Variants in DNAJC4 observed in about 807,000 individuals in gnomAD.
DNAJC4 encodes DnaJ heat shock protein family (Hsp40) member C4, also known as dnaJ homolog subfamily C member 4.
In DNAJC4, 26 loss-of-function variants were observed where a neutral mutation model predicts 26.8. The ratio of observed to expected loss-of-function variants is 0.97; its 90% confidence interval spans 0.71 to 1.34. The LOEUF (loss-of-function observed/expected upper bound fraction) is 1.34. Ranked by LOEUF, DNAJC4 falls within the 40% of genes most tolerant of loss-of-function variation. DNAJC4 has a pLI of 0.00. For missense variants in DNAJC4, 342 were observed against 321.1 expected (o/e 1.07, Z -0.50); for synonymous variants, 134 against 127.8 (o/e 1.05, Z -0.33).
chr11:64,231,081 C>T (rs1443159213), intron 1 of DNAJC4, 141 bp downstream of exon 1: 1 of 1,139,098 alleles, frequency 8.8e-7, no homozygotes, highest in African/African-American at 1.5e-5. Flanking sequence ...TGCTGAGGAT[C>T]AGAGATAGAG....
At chr11:64,230,538 T>G, upstream of DNAJC4, 1 of 598,422 alleles carries the variant, frequency 1.7e-6, no homozygotes, top group Non-Finnish European at 3.1e-6. Context: ...GGGCGGGGCC[T>G]GGTTGTGGCC....
chr11:64,234,189 C>T lies in DNAJC4; in HGVS notation c.*5C>T. 6.4e-7 allele frequency: 1 copy of T among 1,552,382 alleles called. No individual in the cohort carries two copies. Among genetic ancestry groups the T allele is most frequent in the Non-Finnish European group, 8.7e-7 (1 of 1,152,838 alleles). ...CCCCGGGGCGCCGGCCCCTGAGGGG[C>T]TCACCTGGATGGGGCCTGCAGTGCG... On this transcript the variant is annotated 3_prime_UTR_variant, in exon 6 of 6. Coordinates refer to ENST00000628077, the MANE Select transcript of DNAJC4 (RefSeq NM_005528.4). The surrounding 1 kb of genome is among the most constrained non-coding windows in gnomAD (Gnocchi z 5.3).
intron 4 of DNAJC4, among the ~76,000 whole-genome samples, chr11:64,233,227 CTCTT>C (rs1471837069): frequency 4.0e-5 from 6 of 151,838 alleles, no homozygotes; most frequent in African/African-American, 1.5e-4. Flanking sequence ...TCTCTTTATT[CTCTT>C]TTTTTCTTTT....
At chr11:64,233,294 C>T (rs1293677638) in intron 4 of DNAJC4, among the ~76,000 whole-genome samples, 1 of 151,856 alleles carries the variant, frequency 6.6e-6, no homozygotes, top group Non-Finnish European at 1.5e-5. Flanking sequence ...AGTGCAGTGG[C>T]GCAATCTCGG....
chr11:64,234,146 C>G lies in DNAJC4; in HGVS notation c.688C>G (p.Gln230Glu). The G allele has an allele frequency of 6.3e-7, 1 of 1,593,690 alleles. No individual in the cohort carries two copies. The highest frequency in any genetic ancestry group is 8.5e-7 in the Non-Finnish European group (1 of 1,172,316). The change falls in exon 6 of 6, where the codon CAA becomes GAA. Residue 230 changes from glutamine to glutamate, a missense_variant. Gln to Glu is a conservative substitution (Grantham distance 29). Coordinates refer to ENST00000628077, the MANE Select transcript of DNAJC4 (RefSeq NM_005528.4). The surrounding 1 kb of genome is among the most constrained non-coding windows in gnomAD (Gnocchi z 5.3). ...GCAGCCGCCACCATCCGAGCCAACC[C>G]AAGGCCCCGAGATCGTGCCCCGGGG... The part of the protein sequence containing the change: ...QRQPPPSEPT[Q>E]GPEIVPRGAG...
chr11:64,230,884 C>A lies in DNAJC4; in HGVS notation c.30C>A (p.Cys10Ter). 1 of 1,595,974 alleles carries A rather than the reference C, an allele frequency of 6.3e-7. No individual in the cohort carries two copies. The highest frequency in any genetic ancestry group is 1.1e-5 in the South Asian group (1 of 89,130). Residue 10 changes from cysteine to a stop codon, truncating the protein, a stop_gained, in exon 1 of 6, where the codon TGC becomes TGA. Coordinates refer to ENST00000628077, the MANE Select transcript of DNAJC4 (RefSeq NM_005528.4). LOFTEE classifies it high-confidence loss of function. MPPLLPLRL[C>*]RLWPRNPPSR... ...CGCCCTTACTGCCCCTGCGCCTGTG[C>A]CGGCTGTGGCCCCGCAACCCTCCCT...
At position 64,233,917 on chromosome 11, in the gene DNAJC4, A is replaced by T; in HGVS notation, c.551A>T (p.Asn184Ile). The change falls in exon 5 of 6, where the codon AAC becomes ATC. Residue 184 changes from asparagine to isoleucine, a missense_variant. Transcript: ENST00000628077. Reference protein sequence around the residue: ...AFRKVKQMHLNFMDEKDRIIT... With the variant: ...AFRKVKQMHLIFMDEKDRIIT... ...AGGAAGGTGAAGCAGATGCACCTTA[A>T]CTTCATGGATGAAAAGGATCGGATC... is the stretch of plus-strand genomic sequence containing the variant. The T allele has an allele frequency of 6.2e-7, 1 of 1,614,010 alleles. No individual in the cohort carries two copies. Among genetic ancestry groups the T allele is most frequent in the East Asian group, 2.2e-5 (1 of 44,880 alleles).
rs747012047 is a variant in DNAJC4 at position 64,230,967 on chromosome 11, G to A, written c.86+27G>A. On this transcript the variant is annotated intron_variant, in intron 1 of 5. Transcript: ENST00000628077. ...TGAGTTGGGCGCGGGGGGCCGGCCC[G>A]GTTGTTCAATGGGTTTCTGTTTGCC... is the stretch of plus-strand genomic sequence containing the variant. 9 of 1,538,048 alleles carry A rather than the reference G, an allele frequency of 5.9e-6. No homozygotes were observed. In the Admixed American group the frequency reaches 9.7e-5, roughly 17 times the overall value.
chr11:64,231,762 A>T, intron 1 of DNAJC4, 109 bp from the exon 2 acceptor site: 1 of 945,722 alleles, frequency 1.1e-6, no homozygotes, highest in Non-Finnish European at 1.7e-6. Flanking sequence ...GACCTGTTTC[A>T]GCCCTGTCAG....
upstream of DNAJC4, chr11:64,230,525 C>A (rs1005355150): frequency 8.4e-6 from 5 of 593,368 alleles, no homozygotes; most frequent in Non-Finnish European, 1.6e-5. Context: ...CTGTGAGCAG[C>A]GGGGGCGGGG....
chr11:64,230,463 G>A (rs1198917667), upstream of DNAJC4: 3 of 529,920 alleles, frequency 5.7e-6, no homozygotes, highest in African/African-American at 5.7e-5. Flanking sequence ...ACGCCAATGA[G>A]AATGTGAGGG....
chr11:64,232,385 G>T (rs760217798), intron 2 of DNAJC4, 45 bp from the exon 3 acceptor site: 29 of 1,523,246 alleles, frequency 1.9e-5, no homozygotes, highest in Non-Finnish European at 2.5e-5. Context: ...GGGTCCTGGG[G>T]AGGGACAGGC....
rs1420462350 is a variant in DNAJC4 at position 64,231,048 on chromosome 11, T to C, written c.86+108T>C. The C allele has an allele frequency of 1.4e-5, 19 of 1,397,934 alleles. 1 individual carries two copies. Among genetic ancestry groups the C allele is most frequent in the Non-Finnish European group, 1.9e-5 (19 of 1,022,018 alleles). 86.6% of individuals were successfully genotyped at this position (1,397,934 alleles called of 1,614,324 possible). ...CCGTGTCAGGAGGCTCCCAGGTTTG[T>C]CTCAGGTAACCCTCGCCTTCCCTGC... On this transcript the variant is annotated intron_variant, in intron 1 of 5. Coordinates refer to ENST00000628077, the MANE Select transcript of DNAJC4 (RefSeq NM_005528.4).
chr11:64,234,084 G>A lies in DNAJC4; in HGVS notation c.626G>A (p.Gly209Asp). Reference protein sequence around the residue: ...EARARARANRGILQQERQRLG... With the variant: ...EARARARANRDILQQERQRLG... ...GCCCTCTCCTCCAGGGCCAACAGAG[G>A]CATCCTTCAGCAGGAGCGACAACGG... is the stretch of plus-strand genomic sequence containing the variant. The change falls in exon 6 of 6, where the codon GGC becomes GAC. Residue 209 changes from glycine (G) to aspartate (D), a missense_variant. Coordinates refer to ENST00000628077, the MANE Select transcript of DNAJC4 (RefSeq NM_005528.4). This position sits in a 1 kb window ranked among gnomAD's most constrained non-coding sequence, Gnocchi z 5.3. The A allele has an allele frequency of 6.2e-7, 1 of 1,612,014 alleles. No individual in the cohort carries two copies. Among genetic ancestry groups the A allele is most frequent in the Non-Finnish European group, 8.5e-7 (1 of 1,179,592 alleles).
intron 1 of DNAJC4, 51 bp downstream of exon 1, chr11:64,230,991 C>T (rs1300373748): frequency 1.3e-6 from 2 of 1,532,556 alleles, no homozygotes; most frequent in Admixed American, 2.0e-5. Flanking sequence ...TTTCTGTTTG[C>T]CCTACGTGCT....
Position 64,230,631 on chromosome 11 carries a change from G to A in DNAJC4, c.-224G>A. 1 of 654,994 alleles carries A rather than the reference G, an allele frequency of 1.5e-6. No individual in the cohort carries two copies. Among genetic ancestry groups the A allele is most frequent in the Non-Finnish European group, 2.6e-6 (1 of 378,326 alleles). 40.6% of individuals were successfully genotyped at this position (654,994 alleles called of 1,614,324 possible). On this transcript the variant is annotated 5_prime_UTR_variant, in exon 1 of 6. Coordinates refer to ENST00000628077, the MANE Select transcript of DNAJC4 (RefSeq NM_005528.4). ...TGGGTGGCCAGACCCCGAAGCCAGC[G>A]CTGGGAAGGGCTGCGGATGCCCGGG...
Position 64,230,708 on chromosome 11 carries a change from C to A in DNAJC4, c.-147C>A. 2 of 1,135,660 alleles carry A rather than the reference C, an allele frequency of 1.8e-6. No homozygotes were observed. Among genetic ancestry groups the A allele is most frequent in the Non-Finnish European group, 1.3e-6 (1 of 792,346 alleles). The allele number at this position is 1,135,660 out of a possible 1,614,324, so 70.3% of individuals were successfully genotyped here. A position where few individuals can be genotyped will look rare whatever the true frequency, so the allele number is the denominator to read the frequency against. On this transcript the variant is annotated 5_prime_UTR_variant, in exon 1 of 6. Transcript: ENST00000628077. ...ACGCGGGTCTGGTCCTGGGCAAGAA[C>A]CGCCCCCTCTCCGGGCCTGCTTCAG...
At chr11:64,231,783 C>T in intron 1 of DNAJC4, 88 bp from the exon 2 acceptor site, 1 of 1,262,220 alleles carries the variant, frequency 7.9e-7, no homozygotes, top group Non-Finnish European at 1.2e-6. Flanking sequence ...CTCCTGGTGG[C>T]TGAGTTGAAG....
chr11:64,232,251 C>A, intron 2 of DNAJC4, 179 bp from the exon 3 acceptor site: 2 of 820,824 alleles, frequency 2.4e-6, no homozygotes. Flanking sequence ...GGCTTGAACA[C>A]AGGAGGAAGC....
Sources: gnomAD v4.1 joint callset for allele counts (sites outside exome capture counted in the v4.1 genomes callset) on GRCh38, gnomAD v4.1.1 for gene constraint, Gnocchi (gnomAD v3.1) non-coding constraint, MANE v1.5 for transcripts, NCBI Gene and HGNC (gene_info 2026-07-23, HGNC 2026-07-21) for gene names.